Variants in VANGL2 observed in about 807,000 individuals in gnomAD.
VANGL2 encodes VANGL planar cell polarity protein 2, also known as vang-like protein 2.
A neutral mutation model predicts 50.2 loss-of-function variants in VANGL2; 14 were observed. That is an observed-to-expected ratio of 0.28 (90% CI 0.18 to 0.44). The LOEUF (loss-of-function observed/expected upper bound fraction) is 0.44, where lower values mean the gene tolerates loss of function less well. Ranked by LOEUF, VANGL2 falls within the 20% of genes least tolerant of loss-of-function variation. VANGL2 has a pLI of 1.00. For missense variants in VANGL2, 533 were observed against 701.5 expected (o/e 0.76, Z 2.71); for synonymous variants, 295 against 297.2 (o/e 0.99, Z 0.08).
In VANGL2 at chr1:160,404,465, T is replaced by G. The variant is rs138886010; in HGVS notation, c.-191+3596T>G. On this transcript the variant is annotated intron_variant, in intron 1 of 7. Transcript: ENST00000368061. ...CCATTTTAAAGTGAACAGTGGCATT[T>G]AGTACATTCACAGTGCTGTGCAACA... Among the ~76,000 whole-genome samples the G allele has an allele frequency of 3.3e-5, 5 of 152,294 alleles. No homozygotes were observed. The East Asian group carries it at 9.6e-4, about 29-fold the overall frequency.
Position 160,424,198 on chromosome 1 carries a change from G to T in VANGL2, c.1220G>T (p.Arg407Leu). 6.2e-7 allele frequency: 1 copy of T among 1,614,056 alleles called. No individual in the cohort carries two copies. Among genetic ancestry groups the T allele is most frequent in the South Asian group, 1.1e-5 (1 of 91,066 alleles). Residue 407 changes from arginine (R) to leucine (L), a missense_variant, in exon 7 of 8, where the codon CGG becomes CTG. By Grantham distance (102) the Arg-to-Leu change is moderately radical (BLOSUM62 -2). Transcript: ENST00000368061. ...GCCCGTGCCATGCAGAAGTACCTTC[G>T]GACCACCAAGCAGCAGCCCTACCAC... Reference protein sequence around the residue: ...SMARAMQKYLRTTKQQPYHTM... With the variant: ...SMARAMQKYLLTTKQQPYHTM...
intron 1 of VANGL2, among the ~76,000 whole-genome samples, chr1:160,402,221 C>T (rs1650495483): frequency 6.6e-6 from 1 of 151,988 alleles, no homozygotes; most frequent in African/African-American, 2.4e-5. Flanking sequence ...GGAAGATTGG[C>T]GGGGTCAGGG....
intron 1 of VANGL2, among the ~76,000 whole-genome samples, chr1:160,414,062 T>A (rs1380642133): frequency 1.3e-5 from 2 of 152,222 alleles, no homozygotes; most frequent in African/African-American, 4.8e-5. Flanking sequence ...ACCACCAACA[T>A]TAAGTCTCAA....
chr1:160,412,667 C>T (rs775338248), intron 1 of VANGL2, among the ~76,000 whole-genome samples: 1 of 152,176 alleles, frequency 6.6e-6, no homozygotes, highest in Non-Finnish European at 1.5e-5. Context: ...CGTGCTTTGA[C>T]ATGGGGATAC....
At chr1:160,416,582 G>A (rs903644013) in intron 3 of VANGL2, among the ~76,000 whole-genome samples, 15 of 152,140 alleles carry the variant, frequency 9.9e-5, no homozygotes, top group African/African-American at 3.6e-4. Flanking sequence ...CGAGATGTGG[G>A]CACTCTGTGC....
chr1:160,405,204 C>T (rs1003725584), intron 1 of VANGL2, among the ~76,000 whole-genome samples: 1 of 152,138 alleles, frequency 6.6e-6, no homozygotes, highest in African/African-American at 2.4e-5. Flanking sequence ...CTGAAATTTT[C>T]CCTTTTACCT....
At chr1:160,404,654 A>G (rs1047800675) in intron 1 of VANGL2, among the ~76,000 whole-genome samples, 3 of 152,216 alleles carry the variant, frequency 2.0e-5, no homozygotes, top group African/African-American at 7.2e-5. Context: ...AAATGGAATG[A>G]TAGAATGCAT....
intron 3 of VANGL2, among the ~76,000 whole-genome samples, chr1:160,416,630 C>G (rs974006693): frequency 1.3e-5 from 2 of 152,108 alleles, no homozygotes; most frequent in African/African-American, 4.8e-5. Flanking sequence ...TCACCTAGAT[C>G]TTGGGAAAGG....
intron 1 of VANGL2, among the ~76,000 whole-genome samples, chr1:160,406,571 C>T (rs1650667771): frequency 6.6e-6 from 1 of 151,936 alleles, no homozygotes; most frequent in African/African-American, 2.4e-5. Context: ...CCCGTGGGGT[C>T]TTGTTTGTGA....
rs573346724 is a variant in VANGL2, at chr1:160,419,020, A to G, written c.211A>G (p.Thr71Ala). The change falls in exon 4 of 8, where the codon ACG (threonine) becomes GCG (alanine). Residue 71 changes from threonine to alanine, a missense_variant. Thr to Ala is a moderately conservative substitution (Grantham distance 58). Coordinates refer to ENST00000368061, the MANE Select transcript of VANGL2 (RefSeq NM_020335.3). This position sits in a 1 kb window ranked among gnomAD's most constrained non-coding sequence, Gnocchi z 5.8. ...GDERDDNWGE[T>A]TTVVTGTSEH... ...CCTGTAGGATGACAACTGGGGGGAA[A>G]CGACGACAGTAGTAACGGGCACCTC... The G allele has an allele frequency of 5.0e-6, 8 of 1,607,190 alleles. No individual in the cohort carries two copies. Among genetic ancestry groups the G allele is most frequent in the African/African-American group, 2.7e-5 (2 of 74,828 alleles).
chr1:160,416,599 G>T (rs1159702710), intron 3 of VANGL2, among the ~76,000 whole-genome samples: 1 of 152,160 alleles, frequency 6.6e-6, no homozygotes, highest in Non-Finnish European at 1.5e-5. Context: ...GTGCCCTCTG[G>T]TGTCAGCCTG....
intron 6 of VANGL2, among the ~76,000 whole-genome samples, chr1:160,421,683 C>T (rs1210600040): frequency 6.6e-6 from 1 of 152,168 alleles, no homozygotes; most frequent in Admixed American, 6.5e-5. Flanking sequence ...TGACTTGGCA[C>T]ATTAATTACA....
At chr1:160,402,727 T>C (rs1485221100) in intron 1 of VANGL2, among the ~76,000 whole-genome samples, 2 of 152,060 alleles carry the variant, frequency 1.3e-5, no homozygotes, top group Non-Finnish European at 2.9e-5. Flanking sequence ...CATGATAGTG[T>C]GGTGGGAAGT....
chr1:160,411,865 T>G (rs1437753218), intron 1 of VANGL2, among the ~76,000 whole-genome samples: 1 of 150,492 alleles, frequency 6.6e-6, no homozygotes, highest in Non-Finnish European at 1.5e-5. Flanking sequence ...TTCTGGTTGG[T>G]GTGTGTGTGT....
chr1:160,416,128 C>T lies in VANGL2; in HGVS notation c.138C>T (p.Ile46=), dbSNP rs1265112129. The T allele has an allele frequency of 6.2e-7, 1 of 1,614,104 alleles. No homozygotes were observed. The highest frequency in any genetic ancestry group is 8.5e-7 in the Non-Finnish European group (1 of 1,180,044). The change falls in exon 3 of 8, where the codon ATC becomes ATT. Residue 46 remains isoleucine, a synonymous_variant. Coordinates refer to ENST00000368061, the MANE Select transcript of VANGL2 (RefSeq NM_020335.3). ...GCCGAGGGGACAAGTCGGTGACAAT[C>T]CAGGCTCCCGGGGAGCCCCTGCTGG... ...DGGRGDKSVT[I]QAPGEPLLDN...
At chr1:160,410,527 T>TG (rs1290484625) in intron 1 of VANGL2, among the ~76,000 whole-genome samples, 1 of 152,144 alleles carries the variant, frequency 6.6e-6, no homozygotes, top group African/African-American at 2.4e-5. Context: ...TGCCTGCGTC[T>TG]GGTCATCGGC....
chr1:160,413,350 G>A (rs1459136109), intron 1 of VANGL2, among the ~76,000 whole-genome samples: 5 of 150,192 alleles, frequency 3.3e-5, no homozygotes, highest in Admixed American at 2.0e-4. Context: ...GCATGATCTC[G>A]GCTCACTGCA....
intron 1 of VANGL2, among the ~76,000 whole-genome samples, chr1:160,408,296 C>T (rs1475764506): frequency 1.3e-5 from 2 of 151,854 alleles, no homozygotes; most frequent in East Asian, 1.9e-4. Flanking sequence ...GGTGTGTATG[C>T]GTATGGGTGG....
At chr1:160,413,494 C>G (rs1300756509) in intron 1 of VANGL2, among the ~76,000 whole-genome samples, 1 of 152,118 alleles carries the variant, frequency 6.6e-6, no homozygotes, top group Non-Finnish European at 1.5e-5. Flanking sequence ...GAACTCCTGA[C>G]CTCGTGATCC....
Sources: allele counts gnomAD v4.1 joint callset (sites outside exome capture counted in the v4.1 genomes callset), GRCh38; gene constraint gnomAD v4.1.1; non-coding constraint Gnocchi (gnomAD v3.1); transcripts MANE v1.5; gene names NCBI Gene and HGNC (gene_info 2026-07-23, HGNC 2026-07-21).